The following UGT2B4 variants were observed in gnomAD, a reference collection of about 807,000 sequenced individuals.
UGT2B4 encodes UDP glucuronosyltransferase family 2 member B4, also known as UDP-glucuronosyltransferase 2B4.
Under a neutral mutation model 49.8 loss-of-function variants are expected in UGT2B4, and 49 were observed. The ratio of observed to expected loss-of-function variants is 0.98; its 90% CI spans 0.78 to 1.25. UGT2B4 has a LOEUF of 1.25. Ranked by LOEUF, UGT2B4 falls within the 50% of genes most tolerant of loss-of-function variation. The probability of loss-of-function intolerance (pLI) is 0.00; values close to 1 mark genes in which losing one functional copy is unlikely to be tolerated. For synonymous variants in UGT2B4, 246 were observed against 217.7 expected, an observed-to-expected ratio of 1.13 and a Z score of -1.14; for missense variants, 729 against 627.7, an observed-to-expected ratio of 1.16 and a Z score of -1.73.
At chr4:69,513,827 T>A (rs946257359) in intron 1 of UGT2B4, among the ~76,000 whole-genome samples, 19 of 152,138 alleles carry the variant, frequency 1.2e-4, no homozygotes, top group African/African-American at 4.6e-4. Flanking sequence ...TTTATTCTTT[T>A]TTGTGGCAAT....
chr4:69,514,967 G>T (rs1339859623), intron 1 of UGT2B4, among the ~76,000 whole-genome samples: 1 of 152,180 alleles, frequency 6.6e-6, no homozygotes, highest in African/African-American at 2.4e-5. Flanking sequence ...TCAACAAGAA[G>T]ATCTATCTAT....
intron 2 of UGT2B4, among the ~76,000 whole-genome samples, chr4:69,491,239 T>A (rs1201560214): frequency 6.6e-6 from 1 of 152,060 alleles, no homozygotes; most frequent in East Asian, 1.9e-4. Context: ...TCACTTTACT[T>A]GTATTATAGC....
chr4:69,497,644 G>A (rs6600771), upstream of UGT2B4, among the ~76,000 whole-genome samples: 31,353 of 152,046 alleles, frequency 0.21, 3,401 homozygotes, highest in Middle Eastern at 0.27. Flanking sequence ...TACATGAGGA[G>A]TTACTTCTTA....
chr4:69,495,784 C>A lies in UGT2B4; in HGVS notation c.78G>T (p.Val26=), dbSNP rs1477486311. Residue 26 remains valine (V), a synonymous_variant, in exon 1 of 6, where the codon GTG becomes GTT. Transcript: ENST00000305107. The part of the protein sequence containing the change: ...CYFSSGSCGK[V]LVWPTEFSHW... ...GGCTGAATTCTGTGGGCCACACCAG[C>A]ACCTTTCCACAACTCCCAGAGCTAA... 6 of 1,613,658 alleles carry A rather than the reference C, an allele frequency of 3.7e-6. No homozygotes were observed. The highest frequency in any genetic ancestry group is 1.3e-5 in the African/African-American group (1 of 74,892).
chr4:69,480,344 TCA>T lies in UGT2B4; in HGVS notation c.*288_*289del. 6.6e-6 allele frequency: 2 copies of T among 301,086 alleles called. No homozygotes were observed. Among genetic ancestry groups the T allele is most frequent in the Non-Finnish European group, 1.2e-5 (2 of 163,716 alleles). The allele number at this position is 301,086 out of a possible 1,614,324, so 18.7% of individuals were successfully genotyped here. On this transcript the variant is annotated 3_prime_UTR_variant, in exon 6 of 6. Transcript: ENST00000305107. ...GTAGTTAAGCTTAGTAAATTTTTTT[TCA>T]TGTAACCTGTGAATTGGAACAATAA...
At chr4:69,514,769 G>T (rs1388900369) in intron 1 of UGT2B4, among the ~76,000 whole-genome samples, 1 of 152,048 alleles carries the variant, frequency 6.6e-6, no homozygotes, top group Non-Finnish European at 1.5e-5. Flanking sequence ...TTATTGATTT[G>T]CATATGTTGA....
Position 69,517,762 on chromosome 4 carries a change from T to G in UGT2B4, c.-106+7925A>C, listed in dbSNP as rs74286027. 143 of 167,382 alleles carry G rather than the reference T, an allele frequency of 8.5e-4. 2 individuals are homozygous for G. The East Asian group carries it at 0.026, about 30-fold the overall frequency. The allele number at this position is 167,382 out of a possible 1,614,324, so 10.4% of individuals were successfully genotyped here. A position where few individuals can be genotyped will look rare whatever the true frequency, so the allele number is the denominator to read the frequency against. ...GTTAAAAAAGATGGACAGCATTGTA[T>G]TTTTTACTCTTTCCAGAAAGGTCTT... On this transcript the variant is annotated intron_variant, in intron 1 of 1. Coordinates refer to the UGT2B4 transcript ENST00000510114.
In UGT2B4 at chr4:69,480,528, T is replaced by C. The variant is rs1363864628; in HGVS notation, c.*106A>G. 2.0e-6 allele frequency: 3 copies of C among 1,495,518 alleles called. No homozygotes were observed. Among genetic ancestry groups the C allele is most frequent in the Non-Finnish European group, 2.7e-6 (3 of 1,118,404 alleles). The allele number at this position is 1,495,518 out of a possible 1,614,324, so 92.6% of individuals were successfully genotyped here. On this transcript the variant is annotated 3_prime_UTR_variant, in exon 6 of 6. Coordinates refer to ENST00000305107, the MANE Select transcript of UGT2B4 (RefSeq NM_021139.3). The stretch of plus-strand genomic sequence containing the variant: ...TTGACAAGGTAAGTTTTGAAAGATG[T>C]TTTGTCACAAGAAGAAAGGAATCTC...
At position 69,495,385 on chromosome 4, in the gene UGT2B4, C is replaced by G. The variant is rs745701769; in HGVS notation, c.477G>C (p.Leu159=). 1 of 1,614,004 alleles carries G rather than the reference C, an allele frequency of 6.2e-7. No homozygotes were observed. The highest frequency in any genetic ancestry group is 8.5e-7 in the Non-Finnish European group (1 of 1,179,972). ...LADAVFPFGE[L]LAELLKIPFV... ...AGGGTATTTTAAGTAACTCGGCCAGCAGCTCACCAAAGGGGAAAACAGCAT... is the reference window on the plus strand; with the variant it reads ...AGGGTATTTTAAGTAACTCGGCCAGGAGCTCACCAAAGGGGAAAACAGCAT... The change falls in exon 1 of 6, where the codon CTG becomes CTC. Residue 159 remains leucine, a synonymous_variant. Coordinates refer to ENST00000305107, the MANE Select transcript of UGT2B4 (RefSeq NM_021139.3).
Position 69,485,182 on chromosome 4 carries a change from C to T in UGT2B4, c.1310+26G>A, listed in dbSNP as rs1727735543. 1.9e-6 allele frequency: 3 copies of T among 1,612,332 alleles called. No homozygotes were observed. In the African/African-American group the frequency reaches 4.0e-5, roughly 22 times the overall value. On this transcript the variant is annotated intron_variant, in intron 5 of 5. Transcript: ENST00000305107. ...CAAGGGAACCTATCTATAAAGACCA[C>T]CGAGTAAAAAAAAAGTTATACTCAC...
rs546845458 is a variant in UGT2B4 at position 69,524,390 on chromosome 4, G to T, written c.-106+1297C>A. On this transcript the variant is annotated intron_variant, in intron 1 of 1. Coordinates refer to the UGT2B4 transcript ENST00000510114. ...TAATTTTAACGTTGTCGTTTCTCAG[G>T]AATAGGCCAGAGGAGAGGGAGAGAG... Among the ~76,000 whole-genome samples, 422 of 151,952 alleles carry T rather than the reference G, an allele frequency of 2.8e-3. 4 individuals are homozygous for T. Among genetic ancestry groups the T allele is most frequent in the African/African-American group, 9.3e-3 (385 of 41,464 alleles).
intron 1 of UGT2B4, among the ~76,000 whole-genome samples, chr4:69,510,089 T>A (rs1472909032): frequency 6.6e-6 from 1 of 152,196 alleles, no homozygotes; most frequent in Non-Finnish European, 1.5e-5. Context: ...GTGTTCATAG[T>A]ACCATTTATT....
Position 69,480,579 on chromosome 4 carries a change from A to C in UGT2B4, c.*55T>G. The C allele has an allele frequency of 6.4e-7, 1 of 1,561,838 alleles. No homozygotes were observed. Among genetic ancestry groups the C allele is most frequent in the African/African-American group, 1.4e-5 (1 of 73,340 alleles). ...TTGTATCACAACGTCTTCTTGTTGTAATAAACTAAAGGAGTTCATTTATTG... is the reference window on the plus strand; with the variant it reads ...TTGTATCACAACGTCTTCTTGTTGTCATAAACTAAAGGAGTTCATTTATTG... On this transcript the variant is annotated 3_prime_UTR_variant, in exon 6 of 6. Coordinates refer to ENST00000305107, the MANE Select transcript of UGT2B4 (RefSeq NM_021139.3).
chr4:69,525,710 TGTAAG>T (rs1728965007), exon 1 of UGT2B4: 1 of 1,281,192 alleles, frequency 7.8e-7, no homozygotes, highest in Non-Finnish European at 1.0e-6. Flanking sequence ...TGATGAGACA[TGTAAG>T]AGAGCAAAAA....
In UGT2B4 at chr4:69,485,343, C is replaced by T. The variant is rs1359289256; in HGVS notation, c.1175G>A (p.Gly392Asp). ...EAIYHGIPMV[G>D]VPLFADQPDN... ...AGGTTGATCTGCAAACAATGGAACGCCCACCATAGGGATTCCATGGTAGAT... is the reference window on the plus strand; with the variant it reads ...AGGTTGATCTGCAAACAATGGAACGTCCACCATAGGGATTCCATGGTAGAT... The change falls in exon 5 of 6, where the codon GGC becomes GAC. Residue 392 changes from glycine to aspartate, a missense_variant. Coordinates refer to ENST00000305107, the MANE Select transcript of UGT2B4 (RefSeq NM_021139.3). 4.3e-6 allele frequency: 7 copies of T among 1,614,002 alleles called. No homozygotes were observed. Among genetic ancestry groups the T allele is most frequent in the Non-Finnish European group, 5.9e-6 (7 of 1,179,924 alleles).
chr4:69,485,378 G>C lies in UGT2B4; in HGVS notation c.1140C>G (p.Ile380Met), dbSNP rs772777922. ...GGATTCCATGGTAGATTGCCTCATA[G>C]ATGCCATTGGCTCCACCATGAGTTA... The part of the protein sequence containing the change: ...AFITHGGANG[I>M]YEAIYHGIPM... The change falls in exon 5 of 6, where the codon ATC becomes ATG. Residue 380 changes from isoleucine to methionine, a missense_variant. By Grantham distance (10) the Ile-to-Met change is conservative. Transcript: ENST00000305107. 6 of 1,613,882 alleles carry C rather than the reference G, an allele frequency of 3.7e-6. No homozygotes were observed. The highest frequency in any genetic ancestry group is 1.7e-6 in the Non-Finnish European group (2 of 1,179,842).
chr4:69,485,227 T>C lies in UGT2B4; in HGVS notation c.1291A>G (p.Thr431Ala), dbSNP rs1224397894. The C allele has an allele frequency of 5.6e-6, 9 of 1,613,926 alleles. No individual in the cohort carries two copies. Among genetic ancestry groups the C allele is most frequent in the South Asian group, 3.3e-5 (3 of 91,068 alleles). Residue 431 changes from threonine (T) to alanine (A), a missense_variant, in exon 5 of 6, where the codon ACA becomes GCA. Coordinates refer to ENST00000305107, the MANE Select transcript of UGT2B4 (RefSeq NM_021139.3). ...SSTDLLNALK[T>A]VINDPLYKEN... ...ACTCACAAAGGATCATTAATTACTG[T>C]CTTCAGTGCATTGAGTAAGTCTGTA...
At chr4:69,489,601 A>G (rs1727920817) in intron 2 of UGT2B4, 31 bp from the exon 3 acceptor site, 1 of 1,589,906 alleles carries the variant, frequency 6.3e-7, no homozygotes. Context: ...TTCTATCATA[A>G]TAGATTATCA....
At chr4:69,516,819 G>A (rs1034982935) in intron 1 of UGT2B4, among the ~76,000 whole-genome samples, 2 of 151,794 alleles carry the variant, frequency 1.3e-5, no homozygotes, top group African/African-American at 4.8e-5. Flanking sequence ...TGATGGCCAG[G>A]CTGGTTTCGA....
Sources: gnomAD v4.1 joint callset for allele counts (sites outside exome capture counted in the v4.1 genomes callset) on GRCh38, gnomAD v4.1.1 for gene constraint, MANE v1.5 for transcripts, NCBI Gene and HGNC (gene_info 2026-07-23, HGNC 2026-07-21) for gene names.